ZNF461: variants seen among roughly 807,000 people sequenced by gnomAD.
ZNF461 encodes zinc finger protein 461, also known as gonadotropin-inducible ovarian transcription factor-1.
In ZNF461, 16 loss-of-function variants were observed where a neutral mutation model predicts 18.3. The observed-to-expected ratio is 0.88, with a 90% CI of 0.59 to 1.33. The LOEUF (loss-of-function observed/expected upper bound fraction) is 1.33, where lower values mean the gene tolerates loss of function less well. ZNF461 is among the 40% of genes most tolerant of loss of function. ZNF461 has a pLI of 0.00. For synonymous variants in ZNF461, 179 were observed against 216.9 expected, an observed-to-expected ratio of 0.83 and a Z score of 1.54; for missense variants, 595 against 669.9, an observed-to-expected ratio of 0.89 and a Z score of 1.23.
rs2037341494 is a variant in ZNF461 at position 36,638,579 on chromosome 19, A to G, written c.*74T>C. On this transcript the variant is annotated 3_prime_UTR_variant, in exon 6 of 6. Coordinates refer to ENST00000588268, the MANE Select transcript of ZNF461 (RefSeq NM_153257.5). ...TCAAGGATTATTTAAATAAATAAAT[A>G]CTAATGAAACTGGTGGCTTACCAAC... is the stretch of plus-strand genomic sequence containing the variant. The G allele has an allele frequency of 9.3e-7, 1 of 1,069,926 alleles. No homozygotes were observed. The highest frequency in any genetic ancestry group is 1.3e-6 in the Non-Finnish European group (1 of 761,498). The allele number at this position is 1,069,926 out of a possible 1,614,324, so 66.3% of individuals were successfully genotyped here. A position where few individuals can be genotyped will look rare whatever the true frequency, so the allele number is the denominator to read the frequency against.
chr19:36,664,668 G>A (rs1360961487), intron 2 of ZNF461, 30 bp downstream of exon 2: 2 of 1,498,324 alleles, frequency 1.3e-6, no homozygotes, highest in African/African-American at 2.9e-5. Flanking sequence ...ATCAAGTATT[G>A]TAATTAGGAG....
At chr19:36,656,977 G>A (rs1211603912) in intron 3 of ZNF461, among the ~76,000 whole-genome samples, 1 of 151,836 alleles carries the variant, frequency 6.6e-6, no homozygotes, top group Non-Finnish European at 1.5e-5. Flanking sequence ...ACACCACTCT[G>A]CCTGGCTAAT....
At chr19:36,653,867 G>T (rs1307297391) in intron 4 of ZNF461, among the ~76,000 whole-genome samples, 3 of 152,208 alleles carry the variant, frequency 2.0e-5, no homozygotes, top group Non-Finnish European at 4.4e-5. Flanking sequence ...AGGGAGTCTT[G>T]TGAGGTATTG....
chr19:36,653,768 C>T (rs906150989), intron 4 of ZNF461, among the ~76,000 whole-genome samples: 4 of 152,106 alleles, frequency 2.6e-5, no homozygotes, highest in Non-Finnish European at 5.9e-5. Context: ...TGGCAGCCTA[C>T]AATTCAAGAT....
At chr19:36,662,605 G>A (rs987384784) in intron 2 of ZNF461, among the ~76,000 whole-genome samples, 5 of 152,116 alleles carry the variant, frequency 3.3e-5, no homozygotes, top group African/African-American at 1.2e-4. Context: ...AATATGCAAT[G>A]CTATCATTGA....
chr19:36,657,655 G>C (rs1299686854), intron 3 of ZNF461: 4 of 151,828 alleles, frequency 2.6e-5, no homozygotes, highest in African/African-American at 9.7e-5. Context: ...GCACATGCCT[G>C]TAATCACAGC....
rs1276271767 is a variant in ZNF461, at chr19:36,656,503, C to T, written c.177G>A (p.Glu59=). 3 of 1,614,012 alleles carry T rather than the reference C, an allele frequency of 1.9e-6. No individual in the cohort carries two copies. The African/African-American group carries it at 4.0e-5, about 22-fold the overall frequency. The change falls in exon 4 of 6, where the codon GAG becomes GAA. Residue 59 remains glutamate (E), a synonymous_variant. Coordinates refer to ENST00000588268, the MANE Select transcript of ZNF461 (RefSeq NM_153257.5). ...CAACCATCCAGGGCTCCTTCCCTTG[C>T]TCCAATGAGGAGATTACGGCTGGCT... is the stretch of plus-strand genomic sequence containing the variant. ...VSKPAVISSL[E]QGKEPWMVVR... is the part of the protein sequence containing the mutation.
Position 36,640,050 on chromosome 19 carries a change from G to A in ZNF461, c.302-7C>T, listed in dbSNP as rs2037396949. On this transcript the variant is annotated splice_region_variant and splice_polypyrimidine_tract_variant and intron_variant, in intron 5 of 5. Coordinates refer to ENST00000588268, the MANE Select transcript of ZNF461 (RefSeq NM_153257.5). ...TCATCTCTGGATGCCAAGTCTGAAAGATAAGAAATATATTTTAACTCCTGG... is the reference window on the plus strand; with the variant it reads ...TCATCTCTGGATGCCAAGTCTGAAAAATAAGAAATATATTTTAACTCCTGG... The A allele has an allele frequency of 6.3e-7, 1 of 1,589,516 alleles. No individual in the cohort carries two copies.
chr19:36,640,323 A>G (rs1434043886), intron 5 of ZNF461, among the ~76,000 whole-genome samples: 1 of 152,220 alleles, frequency 6.6e-6, no homozygotes, highest in African/African-American at 2.4e-5. Flanking sequence ...AATCAACTCA[A>G]TCAGAATCTA....
intron 4 of ZNF461, among the ~76,000 whole-genome samples, chr19:36,647,532 CTG>C (rs2037549637): frequency 6.6e-6 from 1 of 152,070 alleles, no homozygotes; most frequent in Non-Finnish European, 1.5e-5. Flanking sequence ...GAGCAAGACT[CTG>C]TCTCAAAAAA....
At chr19:36,655,188 CT>C (rs1228691773) in intron 4 of ZNF461, among the ~76,000 whole-genome samples, 1 of 151,912 alleles carries the variant, frequency 6.6e-6, no homozygotes, top group African/African-American at 2.4e-5. Context: ...AAAGACAGGG[CT>C]TTTGCTATGT....
intron 4 of ZNF461, among the ~76,000 whole-genome samples, chr19:36,651,033 C>A (rs532253343): frequency 6.6e-6 from 1 of 151,590 alleles, no homozygotes; most frequent in South Asian, 2.1e-4. Context: ...AGATCAAGAC[C>A]ATCCTGGCTA....
intron 2 of ZNF461, among the ~76,000 whole-genome samples, chr19:36,659,061 A>C (rs2145410593): frequency 6.6e-6 from 1 of 152,248 alleles, no homozygotes; most frequent in African/African-American, 2.4e-5. Flanking sequence ...GATCACAAAA[A>C]CGTCTCATAC....
Position 36,658,425 on chromosome 19 carries a change from C to T in ZNF461, c.10G>A (p.Glu4Lys). Residue 4 changes from glutamate (E) to lysine (K), a missense_variant and splice_region_variant, in exon 3 of 6, where the codon GAG (glutamate) becomes AAG (lysine). Physicochemically the swap from Glu to Lys is moderately conservative, Grantham distance 56. Transcript: ENST00000588268. ...GCCACATCTCTGAACATCACCAACT[C>T]CTAAAATGACAAATAATAGTACTAT... is the stretch of plus-strand genomic sequence containing the variant. MAH[E>K]LVMFRDVAID... 6.2e-7 allele frequency: 1 copy of T among 1,600,446 alleles called. No homozygotes were observed. The highest frequency in any genetic ancestry group is 8.5e-7 in the Non-Finnish European group (1 of 1,174,680).
chr19:36,660,085 G>A (rs928606663), intron 2 of ZNF461, among the ~76,000 whole-genome samples: 12 of 148,334 alleles, frequency 8.1e-5, no homozygotes, highest in Non-Finnish European at 1.5e-4. Context: ...CACAGCCTTC[G>A]TACCACTGTC....
Position 36,638,059 on chromosome 19 carries a change from T to C in ZNF461, c.*594A>G, listed in dbSNP as rs1404462493. ...ACAAAAGAAGGTAAAATTAGAGTTCTAGGTGAACATTAGAAACAACTTCAA... is the reference window on the plus strand; with the variant it reads ...ACAAAAGAAGGTAAAATTAGAGTTCCAGGTGAACATTAGAAACAACTTCAA... On this transcript the variant is annotated 3_prime_UTR_variant, in exon 6 of 6. Transcript: ENST00000588268. 4.7e-6 allele frequency: 1 copy of C among 212,826 alleles called. No individual in the cohort carries two copies. Among genetic ancestry groups the C allele is most frequent in the African/African-American group, 2.4e-5 (1 of 42,320 alleles). The allele number at this position is 212,826 out of a possible 1,614,324, so 13.2% of individuals were successfully genotyped here.
rs2037306580 is a variant in ZNF461, at chr19:36,637,097, C to T, written c.*1556G>A. ...ACAAGCCCTTTTCCCAACAGTTCTA[C>T]CAAAAGTAACTTCCACTCACATTCT... On this transcript the variant is annotated 3_prime_UTR_variant, in exon 6 of 6. Transcript: ENST00000588268. 1.3e-5 allele frequency: 2 copies of T among 152,188 alleles called. No homozygotes were observed. The highest frequency in any genetic ancestry group is 1.5e-5 in the Non-Finnish European group (1 of 68,028). The allele number at this position is 152,188 out of a possible 1,614,324, so 9.4% of individuals were successfully genotyped here. A position where few individuals can be genotyped will look rare whatever the true frequency, so the allele number is the denominator to read the frequency against.
intron 2 of ZNF461, among the ~76,000 whole-genome samples, chr19:36,660,214 A>ATC (rs2037794480): frequency 7.1e-6 from 1 of 139,974 alleles, no homozygotes; most frequent in East Asian, 2.1e-4. Flanking sequence ...CAGTGGCATG[A>ATC]TCTCAGCTCA....
intron 4 of ZNF461, among the ~76,000 whole-genome samples, chr19:36,654,258 T>G (rs2037678320): frequency 6.6e-6 from 1 of 152,208 alleles, no homozygotes; most frequent in Non-Finnish European, 1.5e-5. Context: ...ATATGTACCA[T>G]TTTTCCATGA....
Sources: allele counts gnomAD v4.1 joint callset (sites outside exome capture counted in the v4.1 genomes callset), GRCh38; gene constraint gnomAD v4.1.1; transcripts MANE v1.5; gene names NCBI Gene and HGNC (gene_info 2026-07-23, HGNC 2026-07-21).